The following LRRTM4 variants were observed in gnomAD, a reference collection of about 807,000 sequenced individuals.
LRRTM4 encodes the protein leucine rich repeat transmembrane neuronal 4.
In LRRTM4, 25 loss-of-function variants were observed where a neutral mutation model predicts 47.6. The ratio of observed to expected loss-of-function variants is 0.53; its 90% CI spans 0.38 to 0.73. LRRTM4 has a LOEUF of 0.73. Among genes scored for constraint, LRRTM4 ranks in the 30% least tolerant of loss-of-function variants. The pLI, the probability that LRRTM4 is intolerant of heterozygous loss-of-function variation, is 0.00. For missense variants in LRRTM4, 638 were observed against 713.4 expected (o/e 0.89, Z 1.20); for synonymous variants, 311 against 269.5 (o/e 1.15, Z -1.51).
chr2:77,331,045 A>C (rs769425116), intron 3 of LRRTM4, among the ~76,000 whole-genome samples: 12 of 152,118 alleles, frequency 7.9e-5, no homozygotes, highest in Non-Finnish European at 1.2e-4. Flanking sequence ...ATTTCCAAAA[A>C]TGGTTTATGT....
chr2:77,151,117 ATGTGTGTG>A (rs144817565), intron 3 of LRRTM4, among the ~76,000 whole-genome samples: 3 of 147,638 alleles, frequency 2.0e-5, no homozygotes, highest in African/African-American at 7.4e-5. Context: ...ACGTCCGTGT[ATGTGTGTG>A]TGTGTGTGTG....
chr2:77,113,973 G>C (rs1373297750), intron 3 of LRRTM4, among the ~76,000 whole-genome samples: 1 of 152,092 alleles, frequency 6.6e-6, no homozygotes, highest in Admixed American at 6.6e-5. Flanking sequence ...AAGATCACCA[G>C]GGGGTAATGT....
At chr2:76,960,318 A>G (rs1218345749) in intron 3 of LRRTM4, among the ~76,000 whole-genome samples, 2 of 151,752 alleles carry the variant, frequency 1.3e-5, no homozygotes, top group African/African-American at 4.8e-5. Context: ...AAACATAAAC[A>G]GTGGAATTAC....
At chr2:77,166,022 T>A (rs1672874061) in intron 3 of LRRTM4, among the ~76,000 whole-genome samples, 1 of 152,160 alleles carries the variant, frequency 6.6e-6, no homozygotes, top group Non-Finnish European at 1.5e-5. Flanking sequence ...AGTCAAATTG[T>A]CCCTGTTTGC....
At chr2:77,408,003 A>G (rs1254927998) in intron 3 of LRRTM4, among the ~76,000 whole-genome samples, 91 of 152,166 alleles carry the variant, frequency 6.0e-4, no homozygotes, top group Non-Finnish European at 1.5e-4. Context: ...CTTAACCTTG[A>G]TATTTTTTAG....
intron 3 of LRRTM4, among the ~76,000 whole-genome samples, chr2:77,245,340 A>C (rs1436309985): frequency 2.0e-5 from 3 of 151,978 alleles, no homozygotes; most frequent in African/African-American, 7.3e-5. Flanking sequence ...TGAGTACAGG[A>C]GTTTGAGACT....
intron 3 of LRRTM4, among the ~76,000 whole-genome samples, chr2:77,093,617 C>T (rs1036274085): frequency 3.9e-5 from 6 of 151,906 alleles, no homozygotes; most frequent in Non-Finnish European, 8.8e-5. Flanking sequence ...TGCCCCAACA[C>T]TTCAACACTA....
chr2:77,436,888 C>A (rs908108951), intron 3 of LRRTM4, among the ~76,000 whole-genome samples: 2 of 151,770 alleles, frequency 1.3e-5, no homozygotes, highest in African/African-American at 2.4e-5. Flanking sequence ...TTTAATATAA[C>A]CCACAGTCCA....
At chr2:77,323,941 T>C (rs895375077) in intron 3 of LRRTM4, among the ~76,000 whole-genome samples, 12 of 152,118 alleles carry the variant, frequency 7.9e-5, no homozygotes, top group Admixed American at 6.6e-5. Context: ...ATTACCTGTA[T>C]AATAGAAAAT....
intron 3 of LRRTM4, among the ~76,000 whole-genome samples, chr2:77,029,953 A>G (rs760971135): frequency 1.3e-5 from 2 of 152,212 alleles, no homozygotes; most frequent in South Asian, 4.1e-4. Flanking sequence ...ATTAAAACAA[A>G]TAATTCAAGA....
At chr2:77,070,515 A>C (rs2103825636) in intron 3 of LRRTM4, among the ~76,000 whole-genome samples, 1 of 152,262 alleles carries the variant, frequency 6.6e-6, no homozygotes, top group African/African-American at 2.4e-5. Context: ...TATCACTAAA[A>C]ATTTGACAAA....
At chr2:77,336,438 C>T (rs1399485719) in intron 3 of LRRTM4, among the ~76,000 whole-genome samples, 3 of 151,954 alleles carry the variant, frequency 2.0e-5, no homozygotes, top group South Asian at 2.1e-4. Flanking sequence ...CAGGCCAACA[C>T]CCCAGATGAA....
chr2:77,511,010 G>A (rs1218449753), intron 3 of LRRTM4, among the ~76,000 whole-genome samples: 1 of 151,876 alleles, frequency 6.6e-6, no homozygotes, highest in African/African-American at 2.4e-5. Context: ...TAATGATTAT[G>A]TTTTTCCACT....
intron 3 of LRRTM4, among the ~76,000 whole-genome samples, chr2:76,998,127 T>TA (rs1677269418): frequency 6.6e-6 from 1 of 152,070 alleles, no homozygotes; most frequent in African/African-American, 2.4e-5. Context: ...CGAATCATCC[T>TA]AAAACCATCC....
chr2:76,911,817 T>C (rs879941312), intron 3 of LRRTM4, among the ~76,000 whole-genome samples: 6 of 151,764 alleles, frequency 4.0e-5, no homozygotes, highest in Non-Finnish European at 8.8e-5. Flanking sequence ...AACAGTGATT[T>C]GTGTGTGTGC....
At chr2:77,169,038 T>C (rs1553402411) in intron 3 of LRRTM4, among the ~76,000 whole-genome samples, 3 of 152,118 alleles carry the variant, frequency 2.0e-5, no homozygotes, top group Non-Finnish European at 4.4e-5. Context: ...CCTTTTATGA[T>C]AAAAAACTCT....
intron 3 of LRRTM4, among the ~76,000 whole-genome samples, chr2:77,245,212 C>T (rs1675399097): frequency 6.6e-6 from 1 of 151,312 alleles, no homozygotes; most frequent in Non-Finnish European, 1.5e-5. Context: ...AGAAATAATA[C>T]TTTAAATGTA....
intron 3 of LRRTM4, among the ~76,000 whole-genome samples, chr2:77,438,235 T>G (rs1675679545): frequency 6.6e-6 from 1 of 152,094 alleles, no homozygotes; most frequent in African/African-American, 2.4e-5. Flanking sequence ...AATCTTGATA[T>G]TGATTGTATA....
chr2:77,483,118 CAAAAAAAAAAAAAAAAAA>C lies in LRRTM4; in HGVS notation c.1551+35182_1551+35199del, dbSNP rs776265725. On this transcript the variant is annotated intron_variant, in intron 3 of 3. Transcript: ENST00000409884. ...CCTAGGAGGCAGAGCAAGACTGTCT[CAAAAAAAAAAAAAAAAAA>C]AAAAAAAAAAAAAAAAAATTCCACC... is the stretch of plus-strand genomic sequence containing the variant. Among the ~76,000 whole-genome samples the C allele has an allele frequency of 3.5e-4, 21 of 60,580 alleles. No individual in the cohort carries two copies. The East Asian group carries it at 3.7e-3, about 11-fold the overall frequency. The allele number at this position is 60,580 out of a possible 152,430, so 39.7% of individuals were successfully genotyped here.
Sources: gnomAD v4.1 joint callset for allele counts (sites outside exome capture counted in the v4.1 genomes callset) on GRCh38, gnomAD v4.1.1 for gene constraint, MANE v1.5 for transcripts, NCBI Gene and HGNC (gene_info 2026-07-23, HGNC 2026-07-21) for gene names.